Variants in NHSL1 observed in about 807,000 individuals in gnomAD.
NHSL1 encodes NHS like 1.
In NHSL1, 48 loss-of-function variants were observed where a neutral mutation model predicts 95.0. The observed-to-expected ratio is 0.51, with a 90% CI of 0.40 to 0.64. The LOEUF is 0.64. Among genes scored for constraint, NHSL1 ranks in the 30% least tolerant of loss-of-function variants. The pLI, the probability that NHSL1 is intolerant of heterozygous loss-of-function variation, is 0.00. For missense variants in NHSL1, 1,971 were observed against 2,077.7 expected (o/e 0.95, Z 1.00); for synonymous variants, 783 against 833.9 (o/e 0.94, Z 1.05).
chr6:138,582,223 T>G (rs1784070506), intron 1 of NHSL1, among the ~76,000 whole-genome samples: 1 of 152,128 alleles, frequency 6.6e-6, no homozygotes, highest in South Asian at 2.1e-4. Flanking sequence ...TAAAGAGCAG[T>G]TTTTAAATCA....
chr6:138,628,432 A>G (rs72977108), intron 1 of NHSL1, among the ~76,000 whole-genome samples: 3,223 of 152,346 alleles, frequency 0.021, 34 homozygotes, highest in Middle Eastern at 0.061. Context: ...TTGGCATTAC[A>G]AACGGCAAGG....
At position 138,425,969 on chromosome 6, in the gene NHSL1, T is replaced by C. The variant is rs533294741; in HGVS notation, c.4086-1153A>G. Among the ~76,000 whole-genome samples, 18 of 152,312 alleles carry C rather than the reference T, an allele frequency of 1.2e-4. 1 individual carries two copies. In the South Asian group the frequency reaches 3.7e-3, roughly 32 times the overall value. Reference sequence around the variant, plus strand: ...AGACGAAGGGGCAATCAAAGAAAGCTGAAGGTTTCCTGTAGGTATTTCTTG... The same window carrying C: ...AGACGAAGGGGCAATCAAAGAAAGCCGAAGGTTTCCTGTAGGTATTTCTTG... On this transcript the variant is annotated intron_variant, in intron 7 of 7. Transcript: ENST00000343505.
intron 1 of NHSL1, among the ~76,000 whole-genome samples, chr6:138,513,187 C>G (rs1272794515): frequency 1.3e-5 from 2 of 152,154 alleles, no homozygotes; most frequent in Non-Finnish European, 2.9e-5. Context: ...AATGGGACAA[C>G]AGGTAACATT....
rs71009589 is a variant in NHSL1 at position 138,478,012 on chromosome 6, C to CTTTTTTTTTTTTTTTT, written c.212-4595_212-4580dup. Among the ~76,000 whole-genome samples the CTTTTTTTTTTTTTTTT allele has an allele frequency of 4.0e-4, 12 of 30,014 alleles. 1 individual carries two copies. Among genetic ancestry groups the CTTTTTTTTTTTTTTTT allele is most frequent in the Non-Finnish European group, 5.8e-4 (10 of 17,196 alleles). The allele number at this position is 30,014 out of a possible 152,430, so 19.7% of individuals were successfully genotyped here. On this transcript the variant is annotated intron_variant, in intron 2 of 7. Coordinates refer to ENST00000343505, the MANE Select transcript of NHSL1 (RefSeq NM_001144060.2). ...TTTTTTCACCATGAAATTTATGTCA[C>CTTTTTTTTTTTTTTTT]TTTTTTTTTTTTTTTTTTTTTTTTT... is the stretch of plus-strand genomic sequence containing the variant.
intron 1 of NHSL1, among the ~76,000 whole-genome samples, chr6:138,581,511 G>A (rs994869250): frequency 4.0e-5 from 6 of 151,832 alleles, no homozygotes; most frequent in Non-Finnish European, 5.9e-5. Flanking sequence ...GGCCAACATG[G>A]TGAAACCCCG....
chr6:138,461,006 G>A (rs17067636), intron 3 of NHSL1, among the ~76,000 whole-genome samples: 8,417 of 152,054 alleles, frequency 0.055, 641 homozygotes, highest in East Asian at 0.29. Context: ...TTTCAAAGGT[G>A]TTTCAAAAAT....
At chr6:138,582,172 T>C (rs1412484617) in intron 1 of NHSL1, among the ~76,000 whole-genome samples, 1 of 152,072 alleles carries the variant, frequency 6.6e-6, no homozygotes, top group Non-Finnish European at 1.5e-5. Context: ...GCTGGGATTA[T>C]AGGCGTGAGC....
At chr6:138,638,079 G>A (rs1341434677) in intron 1 of NHSL1, among the ~76,000 whole-genome samples, 4 of 152,122 alleles carry the variant, frequency 2.6e-5, no homozygotes, top group Non-Finnish European at 5.9e-5. Flanking sequence ...GGAACTAGAG[G>A]TCATTATGTT....
At chr6:138,509,757 T>C (rs1234806180) in intron 1 of NHSL1, among the ~76,000 whole-genome samples, 2 of 152,164 alleles carry the variant, frequency 1.3e-5, no homozygotes, top group African/African-American at 2.4e-5. Context: ...TCGGACAACA[T>C]TGACATCACA....
At chr6:138,629,774 A>C (rs1403303999) in intron 1 of NHSL1, among the ~76,000 whole-genome samples, 2 of 152,266 alleles carry the variant, frequency 1.3e-5, no homozygotes, top group Non-Finnish European at 2.9e-5. Context: ...CATTTGTGGT[A>C]AGTGGATTTC....
At chr6:138,609,537 T>A (rs1308946978) in intron 1 of NHSL1, among the ~76,000 whole-genome samples, 3 of 151,888 alleles carry the variant, frequency 2.0e-5, no homozygotes, top group African/African-American at 7.3e-5. Context: ...GATCACGAGG[T>A]CAAGAGCTCG....
chr6:138,504,102 G>A (rs1387592043), upstream of NHSL1, among the ~76,000 whole-genome samples: 1 of 152,080 alleles, frequency 6.6e-6, no homozygotes, highest in East Asian at 1.9e-4. Context: ...CGGTGTGGTG[G>A]TTCATGCCTG....
At chr6:138,466,825 T>C (rs1015342702) in intron 3 of NHSL1, among the ~76,000 whole-genome samples, 9 of 152,018 alleles carry the variant, frequency 5.9e-5, no homozygotes, top group Admixed American at 5.9e-4. Flanking sequence ...GGCTCACACC[T>C]GTAATCTCAG....
chr6:138,582,806 A>C (rs1425462488), intron 1 of NHSL1, among the ~76,000 whole-genome samples: 2 of 151,990 alleles, frequency 1.3e-5, no homozygotes, highest in Non-Finnish European at 2.9e-5. Flanking sequence ...AACATTTCTC[A>C]TCTTTTCCAC....
At chr6:138,521,821 C>T (rs149021981) in intron 1 of NHSL1, among the ~76,000 whole-genome samples, 8 of 152,012 alleles carry the variant, frequency 5.3e-5, no homozygotes, top group East Asian at 1.9e-4. Context: ...GAGGTCAGGG[C>T]GGGAGATTTT....
At chr6:138,592,132 T>G (rs528996497) in intron 1 of NHSL1, among the ~76,000 whole-genome samples, 1 of 152,186 alleles carries the variant, frequency 6.6e-6, no homozygotes, top group Non-Finnish European at 1.5e-5. Flanking sequence ...AAACTACAGT[T>G]TCCTGCTCCC....
At chr6:138,506,960 T>C (rs1473653205) in intron 1 of NHSL1, among the ~76,000 whole-genome samples, 5 of 152,378 alleles carry the variant, frequency 3.3e-5, no homozygotes, top group African/African-American at 1.2e-4. Flanking sequence ...AATTGGTCAC[T>C]TGTGCCTTAA....
intron 1 of NHSL1, among the ~76,000 whole-genome samples, chr6:138,630,264 C>T (rs761436317): frequency 2.0e-5 from 3 of 151,984 alleles, no homozygotes; most frequent in Non-Finnish European, 4.4e-5. Flanking sequence ...AAACTACATA[C>T]GTTGATTATT....
At chr6:138,454,748 G>A (rs1777472434) in intron 3 of NHSL1, among the ~76,000 whole-genome samples, 1 of 152,208 alleles carries the variant, frequency 6.6e-6, no homozygotes, top group Admixed American at 6.5e-5. Context: ...TGTGATCTTA[G>A]GCAAGTGATC....
Sources: allele counts gnomAD v4.1 joint callset (sites outside exome capture counted in the v4.1 genomes callset), GRCh38; gene constraint gnomAD v4.1.1; transcripts MANE v1.5; gene names NCBI Gene and HGNC (gene_info 2026-07-23, HGNC 2026-07-21).